CBFA2T3: variants seen among roughly 807,000 people sequenced by gnomAD.
CBFA2T3 encodes the protein CBFA2/RUNX1 partner transcriptional co-repressor 3.
CBFA2T3 carries 31 observed loss-of-function variants against 58.6 expected under a neutral mutation model. That is an observed-to-expected ratio of 0.53 (90% CI 0.40 to 0.71). The LOEUF is 0.71. CBFA2T3 is among the 30% of genes least tolerant of loss of function. The pLI, the probability that CBFA2T3 is intolerant of heterozygous loss-of-function variation, is 0.00. For missense variants in CBFA2T3, 1,076 were observed against 963.1 expected, an observed-to-expected ratio of 1.12 and a Z score of -1.55; for synonymous variants, 531 against 421.9, an observed-to-expected ratio of 1.26 and a Z score of -3.17.
rs371881843 is a variant in CBFA2T3 at position 88,912,947 on chromosome 16, A to C, written c.152-11291T>G. Among the ~76,000 whole-genome samples, 20 of 152,368 alleles carry C rather than the reference A, an allele frequency of 1.3e-4. No individual in the cohort carries two copies. In the South Asian group the frequency reaches 3.7e-3, roughly 28 times the overall value. ...TGAGTCTGTCCTGCAGCAGGAGGCC[A>C]GGGAATGCCGGTCATGGCTATTCAG... On this transcript the variant is annotated intron_variant, in intron 1 of 11. Coordinates refer to ENST00000268679, the MANE Select transcript of CBFA2T3 (RefSeq NM_005187.6).
intron 1 of CBFA2T3, chr16:88,939,507 C>T (rs545257448): frequency 1.3e-5 from 2 of 152,468 alleles, no homozygotes; most frequent in East Asian, 3.9e-4. Context: ...GTTTCCCTTT[C>T]AGTGTGGAAG....
At chr16:88,886,192 C>A (rs1230943491) in intron 5 of CBFA2T3, 50 bp from the exon 6 acceptor site, 1 of 1,377,474 alleles carries the variant, frequency 7.3e-7, no homozygotes, top group South Asian at 1.5e-5. Context: ...GTGCACAGCC[C>A]TGCTCAGGTC....
chr16:88,914,022 C>T (rs549837347), intron 1 of CBFA2T3, among the ~76,000 whole-genome samples: 42 of 152,320 alleles, frequency 2.8e-4, no homozygotes, highest in African/African-American at 1.0e-3. Flanking sequence ...AGCAAGCGTG[C>T]ACCGAGGTAG....
rs542519944 is a variant in CBFA2T3 at position 88,894,799 on chromosome 16, C to T, written c.380-2314G>A. Among the ~76,000 whole-genome samples the T allele has an allele frequency of 1.3e-3, 192 of 152,376 alleles. 2 individuals carry two copies. Among genetic ancestry groups the T allele is most frequent in the African/African-American group, 4.4e-3 (185 of 41,590 alleles). On this transcript the variant is annotated intron_variant, in intron 3 of 11. Transcript: ENST00000268679. ...TCCTCCGAGGCCCCAGCCGTGTGTT[C>T]GCACCTGTGGCTGAGACCTGGCGGG... is the stretch of plus-strand genomic sequence containing the variant.
chr16:88,976,955 C>T lies in CBFA2T3; in HGVS notation c.-148G>A, dbSNP rs1257895672. On this transcript the variant is annotated 5_prime_UTR_variant, in exon 1 of 12. Coordinates refer to ENST00000268679, the MANE Select transcript of CBFA2T3 (RefSeq NM_005187.6). ...AGTTGGGCCTCTGTCCCTGGAAAGC[C>T]GAGGCCCTCCCGGCCACCAACTGGG... 15 of 966,920 alleles carry T rather than the reference C, an allele frequency of 1.6e-5. No individual in the cohort carries two copies. The highest frequency in any genetic ancestry group is 5.4e-5 in the East Asian group (2 of 37,100). The allele number at this position is 966,920 out of a possible 1,614,324, so 59.9% of individuals were successfully genotyped here.
At position 88,892,240 on chromosome 16, in the gene CBFA2T3, T is replaced by G; in HGVS notation, c.621+4A>C. Reference sequence around the variant, plus strand: ...AAGGCCCCGGCTGTCCCTGCCCAACTCACCACCAGGCCCAGCACCAGTGTG... The same window carrying G: ...AAGGCCCCGGCTGTCCCTGCCCAACGCACCACCAGGCCCAGCACCAGTGTG... On this transcript the variant is annotated splice_donor_region_variant and intron_variant, in intron 4 of 11. Transcript: ENST00000268679. 1.2e-6 allele frequency: 2 copies of G among 1,606,442 alleles called. No homozygotes were observed. The highest frequency in any genetic ancestry group is 1.7e-6 in the Non-Finnish European group (2 of 1,177,842).
chr16:88,897,173 A>T (rs796073980), intron 3 of CBFA2T3, among the ~76,000 whole-genome samples: 2 of 152,220 alleles, frequency 1.3e-5, no homozygotes, highest in Admixed American at 6.5e-5. Context: ...TTTGCCATCC[A>T]TAAGATCACA....
intron 1 of CBFA2T3, chr16:88,941,093 C>T (rs1971709480): frequency 2.0e-6 from 2 of 984,636 alleles, no homozygotes; most frequent in Middle Eastern, 5.2e-4. Flanking sequence ...GTCGCTGCTC[C>T]TTCCAGCTTG....
chr16:88,900,090 G>A (rs960214842), intron 2 of CBFA2T3, among the ~76,000 whole-genome samples: 3 of 152,206 alleles, frequency 2.0e-5, no homozygotes, highest in African/African-American at 7.2e-5. Context: ...GGACCTGCAC[G>A]CTGGGCCCGC....
intron 1 of CBFA2T3, chr16:88,938,995 TC>T (rs1434228545): frequency 1.3e-5 from 2 of 151,980 alleles, no homozygotes; most frequent in Non-Finnish European, 2.9e-5. Flanking sequence ...GGCCCGGCCC[TC>T]CCCACTGCAG....
intron 1 of CBFA2T3, among the ~76,000 whole-genome samples, chr16:88,922,178 G>A (rs77864493): frequency 0.035 from 5,405 of 152,324 alleles, 358 homozygotes; most frequent in African/African-American, 0.12. Flanking sequence ...GGCATCTGAG[G>A]GTCTTCACCC....
chr16:88,891,985 A>G lies in CBFA2T3; in HGVS notation c.622-14T>C, dbSNP rs968007079. On this transcript the variant is annotated splice_polypyrimidine_tract_variant and intron_variant, in intron 4 of 11. Coordinates refer to ENST00000268679, the MANE Select transcript of CBFA2T3 (RefSeq NM_005187.6). ...CAATGTCGAGTTCTGCAGGGGAGAA[A>G]ACCCACCTCACATCAGCACCGCTCG... The G allele has an allele frequency of 1.2e-6, 2 of 1,604,550 alleles. No individual in the cohort carries two copies. The highest frequency in any genetic ancestry group is 1.3e-5 in the African/African-American group (1 of 74,710).
At chr16:88,936,573 C>G (rs371023786) in intron 1 of CBFA2T3, among the ~76,000 whole-genome samples, 2 of 152,174 alleles carry the variant, frequency 1.3e-5, no homozygotes, top group Non-Finnish European at 2.9e-5. Flanking sequence ...CCAGACCCGA[C>G]GGGGCAGAAC....
At chr16:88,948,792 A>G (rs1971971252) in intron 1 of CBFA2T3, among the ~76,000 whole-genome samples, 1 of 152,188 alleles carries the variant, frequency 6.6e-6, no homozygotes, top group Admixed American at 6.5e-5. Flanking sequence ...TGGCCTACAC[A>G]TTTGCAATGT....
chr16:88,931,766 G>A (rs959551581), intron 1 of CBFA2T3, among the ~76,000 whole-genome samples: 3 of 152,168 alleles, frequency 2.0e-5, no homozygotes, highest in African/African-American at 7.2e-5. Flanking sequence ...CCTGGGTCTG[G>A]GCAGGTTTGG....
chr16:88,966,366 C>A (rs558404473), intron 1 of CBFA2T3, among the ~76,000 whole-genome samples: 42 of 152,290 alleles, frequency 2.8e-4, no homozygotes, highest in Non-Finnish European at 4.9e-4. Context: ...CTGTGAGTGC[C>A]CACAGAGGAG....
rs1002126682 is a variant in CBFA2T3, at chr16:88,958,388, G to C, written c.151+18269C>G. 6.6e-6 allele frequency among the ~76,000 whole-genome samples: 1 copy of C among 152,166 alleles called. No homozygotes were observed. The highest frequency in any genetic ancestry group is 2.4e-5 in the African/African-American group (1 of 41,428). ...CTCGAATGGGGAACTCCTCCAGGAAGGAAAGGAGAAGTTTTATTTGGGGTG... is the reference window on the plus strand; with the variant it reads ...CTCGAATGGGGAACTCCTCCAGGAACGAAAGGAGAAGTTTTATTTGGGGTG... On this transcript the variant is annotated intron_variant, in intron 1 of 11. Coordinates refer to ENST00000268679, the MANE Select transcript of CBFA2T3 (RefSeq NM_005187.6). This position sits in a 1 kb window ranked among gnomAD's most constrained non-coding sequence, Gnocchi z 4.0.
chr16:88,885,230 G>A lies in CBFA2T3; in HGVS notation c.933C>T (p.Pro311=), dbSNP rs772340059. 34 of 1,584,540 alleles carry A rather than the reference G, an allele frequency of 2.1e-5. No individual in the cohort carries two copies. The highest frequency in any genetic ancestry group is 2.6e-5 in the Non-Finnish European group (30 of 1,161,852). The change falls in exon 7 of 12, where the codon CCC becomes CCT. Residue 311 remains proline (P), a synonymous_variant. Transcript: ENST00000268679. This position sits in a 1 kb window ranked among gnomAD's most constrained non-coding sequence, Gnocchi z 5.3. Reference sequence around the variant, plus strand: ...TGCATGGCCGTTTGCTGAGGTGCTCGGGGTGCAGCGGGTCGCGGTCTGACC... The same window carrying A: ...TGCATGGCCGTTTGCTGAGGTGCTCAGGGTGCAGCGGGTCGCGGTCTGACC... ...ENGSDRDPLH[P]EHLSKRPCTL... is the part of the protein sequence containing the mutation.
rs1388753408 is a variant in CBFA2T3, at chr16:88,887,527, G to A, written c.712-1385C>T. Among the ~76,000 whole-genome samples the A allele has an allele frequency of 4.6e-5, 7 of 152,278 alleles. No homozygotes were observed. In the East Asian group the frequency reaches 1.4e-3, roughly 29 times the overall value. ...CAGCTTCTGGAAGGCCTGACCCTTG[G>A]GCTGCGTGTGGGGCAGGCTCAGGAA... On this transcript the variant is annotated intron_variant, in intron 5 of 11. Coordinates refer to ENST00000268679, the MANE Select transcript of CBFA2T3 (RefSeq NM_005187.6).
Sources: allele counts gnomAD v4.1 joint callset (sites outside exome capture counted in the v4.1 genomes callset), GRCh38; gene constraint gnomAD v4.1.1; non-coding constraint Gnocchi (gnomAD v3.1); transcripts MANE v1.5; gene names NCBI Gene and HGNC (gene_info 2026-07-23, HGNC 2026-07-21).